CLIP4: variants seen among roughly 807,000 people sequenced by gnomAD.
The protein encoded by CLIP4 is CAP-Gly domain-containing linker protein 4.
CLIP4 carries 47 observed loss-of-function variants against 73.1 expected under a neutral mutation model. The observed-to-expected ratio is 0.64, with a 90% confidence interval of 0.51 to 0.82. CLIP4 has a LOEUF of 0.82. Ranked by LOEUF, CLIP4 falls within the 40% of genes least tolerant of loss-of-function variation. The pLI is 0.00. For synonymous variants in CLIP4, 306 were observed against 295.4 expected, an observed-to-expected ratio of 1.04 and a Z score of -0.37; for missense variants, 874 against 852.9, an observed-to-expected ratio of 1.02 and a Z score of -0.31.
intron 4 of CLIP4, among the ~76,000 whole-genome samples, chr2:29,133,097 A>C (rs1665095312): frequency 6.6e-6 from 1 of 152,164 alleles, no homozygotes; most frequent in Admixed American, 6.5e-5. Flanking sequence ...CCGAGGTGGG[A>C]GGATCGTGTA....
At chr2:29,169,281 G>C (rs1172142639) in intron 14 of CLIP4, among the ~76,000 whole-genome samples, 5 of 150,876 alleles carry the variant, frequency 3.3e-5, no homozygotes, top group Admixed American at 6.6e-5. Flanking sequence ...TTTCTCTATG[G>C]CTTGTAGATG....
At chr2:29,142,516 G>A (rs902221065) in intron 6 of CLIP4, among the ~76,000 whole-genome samples, 2 of 152,042 alleles carry the variant, frequency 1.3e-5, no homozygotes, top group East Asian at 1.9e-4. Flanking sequence ...ATACATTAGT[G>A]TAACACATAT....
intron 13 of CLIP4, 58 bp downstream of exon 13, chr2:29,164,012 A>G: frequency 7.2e-7 from 1 of 1,388,978 alleles, no homozygotes; most frequent in South Asian, 1.3e-5. Context: ...GCAGTGGTTA[A>G]TAGAGACACT....
intron 7 of CLIP4, among the ~76,000 whole-genome samples, chr2:29,144,802 T>G (rs904377955): frequency 5.7e-5 from 8 of 140,308 alleles, no homozygotes; most frequent in Admixed American, 5.6e-4. Flanking sequence ...ATATCCCTTT[T>G]TTTTTTTTTT....
chr2:29,161,787 A>T (rs1011444985), intron 12 of CLIP4, among the ~76,000 whole-genome samples: 3 of 152,118 alleles, frequency 2.0e-5, no homozygotes, highest in African/African-American at 7.2e-5. Context: ...CTCTGGTGGG[A>T]GATGCTAGCT....
chr2:29,136,920 A>T (rs17750032), intron 6 of CLIP4, among the ~76,000 whole-genome samples: 2 of 151,818 alleles, frequency 1.3e-5, no homozygotes, highest in Non-Finnish European at 2.9e-5. Context: ...CCAGAAGCAG[A>T]TTAATAGGTT....
intron 13 of CLIP4, among the ~76,000 whole-genome samples, chr2:29,165,371 T>C (rs1055266156): frequency 6.6e-6 from 1 of 152,204 alleles, no homozygotes; most frequent in Non-Finnish European, 1.5e-5. Flanking sequence ...TTAACCTGTT[T>C]ACTGCTCTCC....
chr2:29,180,655 AAAT>A (rs1668594266), intron 15 of CLIP4, among the ~76,000 whole-genome samples: 1 of 152,204 alleles, frequency 6.6e-6, no homozygotes, highest in Non-Finnish European at 1.5e-5. Flanking sequence ...AGTGAACAAA[AAAT>A]AATTTAAATT....
intron 2 of CLIP4, among the ~76,000 whole-genome samples, chr2:29,125,322 C>G (rs1236682514): frequency 6.6e-6 from 1 of 152,140 alleles, no homozygotes; most frequent in African/African-American, 2.4e-5. Context: ...CCCTGTAGTC[C>G]TTATGGATGG....
intron 15 of CLIP4, among the ~76,000 whole-genome samples, chr2:29,179,017 A>G (rs963724670): frequency 6.6e-6 from 1 of 152,012 alleles, no homozygotes; most frequent in Middle Eastern, 3.4e-3. Context: ...CTGGTCTGAA[A>G]CTCCTGGCCT....
intron 8 of CLIP4, among the ~76,000 whole-genome samples, chr2:29,145,703 A>G (rs1666114477): frequency 6.6e-6 from 1 of 152,152 alleles, no homozygotes; most frequent in East Asian, 1.9e-4. Context: ...TTTGTTTGAG[A>G]CGGAGTCTTG....
chr2:29,136,889 G>T (rs780859769), intron 6 of CLIP4, among the ~76,000 whole-genome samples: 4 of 151,240 alleles, frequency 2.6e-5, no homozygotes, highest in Non-Finnish European at 5.9e-5. Context: ...ATACGTTATT[G>T]AGCTAAATTA....
rs6728572 is a variant in CLIP4 at position 29,166,092 on chromosome 2, A to G, written c.1659-1384A>G. Among the ~76,000 whole-genome samples, 918 of 152,140 alleles carry G rather than the reference A, an allele frequency of 6.0e-3. 11 individuals carry two copies. The highest frequency in any genetic ancestry group is 0.021 in the African/African-American group (853 of 41,500). ...CAAATACTATTAAGTGTCTTTTAGC[A>G]CTTATGCTGTGCTAGGCATTCTATA... On this transcript the variant is annotated intron_variant, in intron 13 of 15. Transcript: ENST00000320081.
At chr2:29,151,716 A>C (rs1182551583) in intron 8 of CLIP4, among the ~76,000 whole-genome samples, 2 of 152,214 alleles carry the variant, frequency 1.3e-5, no homozygotes, top group African/African-American at 2.4e-5. Context: ...CATTTTAGTC[A>C]TAATGTATAT....
At chr2:29,176,580 G>T (rs746700600) in intron 15 of CLIP4, among the ~76,000 whole-genome samples, 11 of 152,204 alleles carry the variant, frequency 7.2e-5, no homozygotes, top group African/African-American at 1.7e-4. Context: ...TGGCAGAAAG[G>T]GGGAGGGAAG....
chr2:29,121,261 T>A, intron 1 of CLIP4, 113 bp from the exon 2 acceptor site: 1 of 1,077,076 alleles, frequency 9.3e-7, no homozygotes, highest in Non-Finnish European at 1.3e-6. Flanking sequence ...AGATCCTTAC[T>A]GAAAATGTCA....
At chr2:29,133,560 TG>T in intron 4 of CLIP4, 94 bp from the exon 5 acceptor site, 3 of 1,172,032 alleles carry the variant, frequency 2.6e-6, no homozygotes, top group Non-Finnish European at 3.6e-6. Context: ...TACAGTGCAC[TG>T]TTTGCTTTGG....
chr2:29,145,551 C>T (rs1419249440), intron 8 of CLIP4, among the ~76,000 whole-genome samples, 184 bp downstream of exon 8: 4 of 151,892 alleles, frequency 2.6e-5, no homozygotes, highest in Non-Finnish European at 5.9e-5. Context: ...CGAGAGGCGA[C>T]GTGAGAGGGA....
At chr2:29,124,476 T>G (rs990267090) in intron 2 of CLIP4, among the ~76,000 whole-genome samples, 2 of 152,170 alleles carry the variant, frequency 1.3e-5, no homozygotes, top group Non-Finnish European at 2.9e-5. Context: ...TTGGTTGAGC[T>G]GCTTGGATCT....
Sources: allele counts gnomAD v4.1 joint callset (sites outside exome capture counted in the v4.1 genomes callset), GRCh38; gene constraint gnomAD v4.1.1; transcripts MANE v1.5; gene names NCBI Gene and HGNC (gene_info 2026-07-23, HGNC 2026-07-21).